DET1: variants seen among roughly 807,000 people sequenced by gnomAD.
DET1 encodes DET1 homolog.
Under a neutral mutation model 43.7 loss-of-function variants are expected in DET1, and 22 were observed. The ratio of observed to expected loss-of-function variants is 0.50; its 90% CI spans 0.36 to 0.72. The LOEUF is 0.72. DET1 is among the 30% of genes least tolerant of loss of function. The probability of loss-of-function intolerance (pLI) is 0.00; values close to 1 mark genes in which losing one functional copy is unlikely to be tolerated. For missense variants in DET1, 713 were observed against 713.3 expected (o/e 1.00, Z 0.00); for synonymous variants, 315 against 266.2 (o/e 1.18, Z -1.79).
intron 2 of DET1, 143 bp from the exon 3 acceptor site, chr15:88,527,929 A>C (rs2056710226): frequency 7.4e-6 from 4 of 543,294 alleles, no homozygotes; most frequent in Admixed American, 4.0e-5. Flanking sequence ...ACAAGCAAAC[A>C]CCTCGGCTTT....
At chr15:88,521,406 A>G (rs1309202610) in intron 3 of DET1, among the ~76,000 whole-genome samples, 1 of 152,202 alleles carries the variant, frequency 6.6e-6, no homozygotes, top group Non-Finnish European at 1.5e-5. Flanking sequence ...TTTTCCTTGG[A>G]CACACTTTTC....
chr15:88,544,386 G>C lies in DET1; in HGVS notation c.-11+2154C>G, dbSNP rs1050227717. Among the ~76,000 whole-genome samples, 8 of 152,166 alleles carry C rather than the reference G, an allele frequency of 5.3e-5. No homozygotes were observed. The South Asian group carries it at 1.7e-3, about 31-fold the overall frequency. On this transcript the variant is annotated intron_variant, in intron 1 of 4. Coordinates refer to ENST00000268148, the MANE Select transcript of DET1 (RefSeq NM_001144074.3). ...TCTCACCTTTTAAAATCATGTATGG[G>C]AGGGCGCCGCCTATCTTGCTTAAGC... is the stretch of plus-strand genomic sequence containing the variant.
chr15:88,535,913 G>C (rs575563252), intron 1 of DET1, among the ~76,000 whole-genome samples: 2 of 152,128 alleles, frequency 1.3e-5, no homozygotes, highest in East Asian at 1.9e-4. Flanking sequence ...CAATTCAAAA[G>C]GTTCAGAGAC....
intron 4 of DET1, among the ~76,000 whole-genome samples, chr15:88,513,631 T>G (rs1057007853): frequency 1.3e-5 from 2 of 150,440 alleles, no homozygotes; most frequent in African/African-American, 2.5e-5. Flanking sequence ...AGTTTTTTTT[T>G]TTTTTTTTTT....
intron 3 of DET1, among the ~76,000 whole-genome samples, chr15:88,523,785 G>A (rs998113100): frequency 1.1e-4 from 17 of 152,258 alleles, no homozygotes; most frequent in South Asian, 4.1e-4. Context: ...ATCTCCGCTC[G>A]CTACAACCTC....
At chr15:88,525,063 A>G (rs1401013169) in intron 3 of DET1, among the ~76,000 whole-genome samples, 1 of 152,250 alleles carries the variant, frequency 6.6e-6, no homozygotes. Flanking sequence ...GAGACAGAAG[A>G]GACATATAAA....
At chr15:88,526,568 G>T (rs1205358380) in intron 3 of DET1, among the ~76,000 whole-genome samples, 1 of 151,974 alleles carries the variant, frequency 6.6e-6, no homozygotes, top group East Asian at 1.9e-4. Flanking sequence ...TCTTTGTGTT[G>T]GTCAGTTTTC....
At chr15:88,522,064 T>G (rs2056505651) in intron 3 of DET1, among the ~76,000 whole-genome samples, 1 of 152,232 alleles carries the variant, frequency 6.6e-6, no homozygotes, top group Non-Finnish European at 1.5e-5. Flanking sequence ...TAGCACCTTA[T>G]TATATAGTAT....
chr15:88,526,266 A>G (rs1276253806), intron 3 of DET1, among the ~76,000 whole-genome samples: 1 of 152,216 alleles, frequency 6.6e-6, no homozygotes, highest in Admixed American at 6.5e-5. Context: ...ATTCTGATTC[A>G]TCCACTCACT....
intron 1 of DET1, among the ~76,000 whole-genome samples, chr15:88,534,134 T>C (rs979055290): frequency 6.6e-6 from 1 of 152,204 alleles, no homozygotes; most frequent in African/African-American, 2.4e-5. Context: ...AATAAAAATA[T>C]GTTTTAATAT....
chr15:88,504,288 C>G lies in DET1; in HGVS notation c.*2066-301G>C, dbSNP rs1292194047. The G allele has an allele frequency of 6.6e-6, 1 of 152,070 alleles. No individual in the cohort carries two copies. Among genetic ancestry groups the G allele is most frequent in the African/African-American group, 2.4e-5 (1 of 41,396 alleles). 9.4% of individuals were successfully genotyped at this position (152,070 alleles called of 1,614,324 possible). On this transcript the variant is annotated intron_variant and NMD_transcript_variant, in intron 7 of 8. Coordinates refer to the DET1 transcript ENST00000557842. The surrounding 1 kb of genome is among the most constrained non-coding windows in gnomAD (Gnocchi z 4.7). ...GTGCAAAAGCCTAGCCTTGAAATGT[C>G]TTTTATAAATAAGCCTTGAAAGTGG... is the stretch of plus-strand genomic sequence containing the variant.
At chr15:88,511,678 C>T, downstream of DET1, 3 of 914,292 alleles carry the variant, frequency 3.3e-6, no homozygotes, top group Non-Finnish European at 3.9e-6. Flanking sequence ...ATAGTTTCCA[C>T]TTGACTCATA....
chr15:88,520,297 T>A (rs7168611), intron 3 of DET1, among the ~76,000 whole-genome samples: 105,191 of 152,096 alleles, frequency 0.69, 36,616 homozygotes, highest in South Asian at 0.8. Context: ...TCCTCAAAAC[T>A]CTTTTCCATA....
In DET1 at chr15:88,531,473, T is replaced by C. The variant is rs1213414038; in HGVS notation, c.233A>G (p.Asp78Gly). 1 of 1,613,914 alleles carries C rather than the reference T, an allele frequency of 6.2e-7. No homozygotes were observed. Among genetic ancestry groups the C allele is most frequent in the African/African-American group, 1.3e-5 (1 of 74,922 alleles). Residue 78 changes from aspartate (D) to glycine (G), a missense_variant, in exon 2 of 5, where the codon GAC (aspartate) becomes GGC (glycine). Coordinates refer to ENST00000268148, the MANE Select transcript of DET1 (RefSeq NM_001144074.3). The surrounding 1 kb of genome is among the most constrained non-coding windows in gnomAD (Gnocchi z 6.2). Reference protein sequence around the residue: ...DGRYFIAFSSDQTSLEIYEYQ... With the variant: ...DGRYFIAFSSGQTSLEIYEYQ... Reference sequence around the variant, plus strand: ...CTCATAGATTTCAAGAGATGTCTGGTCTGAAGAAAAAGCAATAAAGTAGCG... The same window carrying C: ...CTCATAGATTTCAAGAGATGTCTGGCCTGAAGAAAAAGCAATAAAGTAGCG...
At position 88,516,787 on chromosome 15, in the gene DET1, T is replaced by A; in HGVS notation, c.1458A>T (p.Pro486=). 1.3e-6 allele frequency: 2 copies of A among 1,576,440 alleles called. No individual in the cohort carries two copies. The change falls in exon 4 of 5, where the codon CCA becomes CCT. Residue 486 remains proline (P), a synonymous_variant. Coordinates refer to ENST00000268148, the MANE Select transcript of DET1 (RefSeq NM_001144074.3). This position sits in a 1 kb window ranked among gnomAD's most constrained non-coding sequence, Gnocchi z 4.4. ...MERPKTCGDH[P]IRFYARDSGL... Reference sequence around the variant, plus strand: ...CTATAGCAGTGACACTGTACCTGATTGGGTGATCTCCACAAGTCTTGGGCC... The same window carrying A: ...CTATAGCAGTGACACTGTACCTGATAGGGTGATCTCCACAAGTCTTGGGCC...
chr15:88,532,102 G>A (rs2056831111), intron 1 of DET1, among the ~76,000 whole-genome samples: 1 of 152,152 alleles, frequency 6.6e-6, no homozygotes, highest in Non-Finnish European at 1.5e-5. Flanking sequence ...ACTAGTTCAA[G>A]CCCAGCCTGG....
chr15:88,537,202 A>G (rs1261414911), intron 1 of DET1, among the ~76,000 whole-genome samples: 2 of 152,252 alleles, frequency 1.3e-5, no homozygotes, highest in Non-Finnish European at 2.9e-5. Flanking sequence ...GTATCAAGCT[A>G]TCATATATTG....
downstream of DET1, among the ~76,000 whole-genome samples, chr15:88,507,958 A>G (rs1203156009): frequency 6.6e-6 from 1 of 152,124 alleles, no homozygotes; most frequent in Non-Finnish European, 1.5e-5. Flanking sequence ...TTGCATTACT[A>G]CCTGAGCTCC....
intron 4 of DET1, among the ~76,000 whole-genome samples, chr15:88,514,016 G>T (rs570152316): frequency 2.0e-5 from 3 of 149,580 alleles, no homozygotes; most frequent in Admixed American, 1.3e-4. Flanking sequence ...AGCCAGGATG[G>T]TCTCGATCTC....
Sources: gnomAD v4.1 joint callset for allele counts (sites outside exome capture counted in the v4.1 genomes callset) on GRCh38, gnomAD v4.1.1 for gene constraint, Gnocchi (gnomAD v3.1) non-coding constraint, MANE v1.5 for transcripts, NCBI Gene and HGNC (gene_info 2026-07-23, HGNC 2026-07-21) for gene names.